Variants in HID1 observed in about 807,000 individuals in gnomAD.
The protein encoded by HID1 is HID1 domain containing.
A neutral mutation model predicts 89.7 loss-of-function variants in HID1; 42 were observed. That is an observed-to-expected ratio of 0.47 (90% CI 0.37 to 0.61). The LOEUF (loss-of-function observed/expected upper bound fraction) is 0.61, where lower values mean the gene tolerates loss of function less well. Ranked by LOEUF, HID1 falls within the 20% of genes least tolerant of loss-of-function variation. The pLI is 0.00. For synonymous variants in HID1, 442 were observed against 433.8 expected, an observed-to-expected ratio of 1.02 and a Z score of -0.24; for missense variants, 854 against 1,039.3, an observed-to-expected ratio of 0.82 and a Z score of 2.45.
intron 15 of HID1, 48 bp from the exon 16 acceptor site, chr17:74,953,134 G>C: frequency 7.1e-7 from 1 of 1,416,340 alleles, no homozygotes; most frequent in East Asian, 2.5e-5. Context: ...CGGTGGGTGA[G>C]GGGTGGAGTG....
Position 74,962,405 on chromosome 17 carries a change from A to T in HID1, c.505-65T>A. 9.3e-7 allele frequency: 1 copy of T among 1,070,726 alleles called. No individual in the cohort carries two copies. Among genetic ancestry groups the T allele is most frequent in the Non-Finnish European group, 1.4e-6 (1 of 719,282 alleles). The allele number at this position is 1,070,726 out of a possible 1,614,324, so 66.3% of individuals were successfully genotyped here. A position where few individuals can be genotyped will look rare whatever the true frequency, so the allele number is the denominator to read the frequency against. ...GAGGTGAACAGCAGCCTGGGTCAGA[A>T]CCTGGCCACCTCGAGCCTCACACAG... On this transcript the variant is annotated intron_variant, in intron 4 of 18. Transcript: ENST00000425042. This position sits in a 1 kb window ranked among gnomAD's most constrained non-coding sequence, Gnocchi z 4.3.
rs572104390 is a variant in HID1 at position 74,955,673 on chromosome 17, G to A, written c.1636+119C>T. The A allele has an allele frequency of 8.3e-5, 68 of 823,012 alleles. No homozygotes were observed. In the Middle Eastern group the frequency reaches 1.1e-3, roughly 13 times the overall value. 51.0% of individuals were successfully genotyped at this position (823,012 alleles called of 1,614,324 possible). ...AATGTACACTGAATGAATGAACTGG[G>A]GGCAGAAGGCAAGCAGGCCAGCACC... is the stretch of plus-strand genomic sequence containing the variant. On this transcript the variant is annotated intron_variant, in intron 13 of 18. Coordinates refer to ENST00000425042, the MANE Select transcript of HID1 (RefSeq NM_030630.3).
chr17:74,964,696 A>G, intron 1 of HID1, 64 bp from the exon 2 acceptor site: 1 of 1,528,646 alleles, frequency 6.5e-7, no homozygotes, highest in African/African-American at 1.4e-5. Context: ...ACTTTGCCCA[A>G]CTTGTGGCCA....
Position 74,958,841 on chromosome 17 carries a change from T to G in HID1, c.1149+70A>C. On this transcript the variant is annotated intron_variant, in intron 9 of 18. Coordinates refer to ENST00000425042, the MANE Select transcript of HID1 (RefSeq NM_030630.3). The surrounding 1 kb of genome is among the most constrained non-coding windows in gnomAD (Gnocchi z 5.2). ...TGCCCCACCCCCCTCAGTCTGACAC[T>G]GTCCCTGCCCCCGGGTTATTGGGGC... 1 of 1,588,260 alleles carries G rather than the reference T, an allele frequency of 6.3e-7. No individual in the cohort carries two copies. Among genetic ancestry groups the G allele is most frequent in the Non-Finnish European group, 8.6e-7 (1 of 1,166,064 alleles).
chr17:74,969,296 G>A (rs948501150), intron 1 of HID1, among the ~76,000 whole-genome samples: 4 of 152,040 alleles, frequency 2.6e-5, no homozygotes, highest in Admixed American at 1.3e-4. Context: ...CCGGGTTCAC[G>A]CCATTCTCCT....
chr17:74,951,331 C>T lies in HID1; in HGVS notation c.*239G>A, dbSNP rs1224621590. Reference sequence around the variant, plus strand: ...GTCCGAGTGTTGGGGGCAGTGGTCTCTGGTGGGGGCATAGCCCCAGAGATG... The same window carrying T: ...GTCCGAGTGTTGGGGGCAGTGGTCTTTGGTGGGGGCATAGCCCCAGAGATG... On this transcript the variant is annotated 3_prime_UTR_variant, in exon 19 of 19. Coordinates refer to ENST00000425042, the MANE Select transcript of HID1 (RefSeq NM_030630.3). The T allele has an allele frequency of 1.7e-6, 1 of 579,484 alleles. No individual in the cohort carries two copies. The highest frequency in any genetic ancestry group is 3.1e-6 in the Non-Finnish European group (1 of 326,100). The allele number at this position is 579,484 out of a possible 1,614,324, so 35.9% of individuals were successfully genotyped here. A position where few individuals can be genotyped will look rare whatever the true frequency, so the allele number is the denominator to read the frequency against.
intron 1 of HID1, among the ~76,000 whole-genome samples, chr17:74,965,703 G>A (rs1430387827): frequency 6.6e-6 from 1 of 152,134 alleles, no homozygotes; most frequent in Non-Finnish European, 1.5e-5. Context: ...TGGATCACCT[G>A]ATCAGGAGTT....
At chr17:74,969,916 TTTTTTC>T (rs1194608315) in intron 1 of HID1, among the ~76,000 whole-genome samples, 5 of 79,868 alleles carry the variant, frequency 6.3e-5, no homozygotes, top group Non-Finnish European at 1.4e-4. Context: ...CAGATTTTTC[TTTTTTC>T]TTTTTTTTTT....
rs751646377 is a variant in HID1 at position 74,953,532 on chromosome 17, C to T, written c.1971+13G>A. 5.6e-6 allele frequency: 9 copies of T among 1,610,158 alleles called. No homozygotes were observed. The East Asian group carries it at 2.0e-4, about 36-fold the overall frequency. On this transcript the variant is annotated intron_variant, in intron 15 of 18. Transcript: ENST00000425042. ...GCCAGCCACGCCCGGCTCCAGGAGT[C>T]CCCGTCACCCACCCCCTTAGCCGGG...
rs192751745 is a variant in HID1 at position 74,969,205 on chromosome 17, T to G, written c.66+3386A>C. 1.0e-3 allele frequency among the ~76,000 whole-genome samples: 154 copies of G among 152,232 alleles called. 1 individual carries two copies. Among genetic ancestry groups the G allele is most frequent in the African/African-American group, 3.4e-3 (140 of 41,540 alleles). ...GCTTCTAATATCTGATCTTTTTTTT[T>G]CTTTTTTGAGACCGAGTCTTGCTCT... On this transcript the variant is annotated intron_variant, in intron 1 of 18. Coordinates refer to ENST00000425042, the MANE Select transcript of HID1 (RefSeq NM_030630.3).
At position 74,955,833 on chromosome 17, in the gene HID1, A is replaced by G. The variant is rs1444053389; in HGVS notation, c.1595T>C (p.Leu532Pro). 2 of 1,614,052 alleles carry G rather than the reference A, an allele frequency of 1.2e-6. No homozygotes were observed. Among genetic ancestry groups the G allele is most frequent in the African/African-American group, 2.7e-5 (2 of 74,912 alleles). ...AAQNHHLVFF[L>P]LEVFNNIIQY... ...GATGATGTTGTTGAAGACCTCCAGG[A>G]GGAAGAAGACCAGGTGGTGGTTCTG... The change falls in exon 13 of 19, where the codon CTC (leucine) becomes CCC (proline). Residue 532 changes from leucine to proline, a missense_variant. Coordinates refer to ENST00000425042, the MANE Select transcript of HID1 (RefSeq NM_030630.3).
Position 74,954,248 on chromosome 17 carries a change from G to C in HID1, c.1754C>G (p.Pro585Arg), listed in dbSNP as rs1055455758. The change falls in exon 14 of 19, where the codon CCT becomes CGT. Residue 585 changes from proline to arginine, a missense_variant. Pro to Arg is a moderately radical substitution (Grantham distance 103). Coordinates refer to ENST00000425042, the MANE Select transcript of HID1 (RefSeq NM_030630.3). ...HKALQRRRRT[P>R]EPLSRTGSQE... ...GGAGCCGGTGCGAGACAAGGGCTCA[G>C]GTGTCCGCCGGCGCCGCTGCAGGGC... is the stretch of plus-strand genomic sequence containing the variant. 1 of 1,590,736 alleles carries C rather than the reference G, an allele frequency of 6.3e-7. No homozygotes were observed. The highest frequency in any genetic ancestry group is 1.3e-5 in the African/African-American group (1 of 74,850).
chr17:74,972,698 A>C lies in HID1; in HGVS notation c.-42T>G. 1 of 1,497,176 alleles carries C rather than the reference A, an allele frequency of 6.7e-7. No homozygotes were observed. The highest frequency in any genetic ancestry group is 1.3e-5 in the South Asian group (1 of 79,352). The allele number at this position is 1,497,176 out of a possible 1,614,324, so 92.7% of individuals were successfully genotyped here. A position where few individuals can be genotyped will look rare whatever the true frequency, so the allele number is the denominator to read the frequency against. On this transcript the variant is annotated 5_prime_UTR_variant, in exon 1 of 19. Transcript: ENST00000425042. This position sits in a 1 kb window ranked among gnomAD's most constrained non-coding sequence, Gnocchi z 6.4. ...CCGGCCCGGCCCCCGCCCAGACTCCAACCCGGCTCCGGCTTCAGCTCCGGC... is the reference window on the plus strand; with the variant it reads ...CCGGCCCGGCCCCCGCCCAGACTCCCACCCGGCTCCGGCTTCAGCTCCGGC...
At chr17:74,964,338 A>C in intron 2 of HID1, 145 bp downstream of exon 2, 3 of 943,032 alleles carry the variant, frequency 3.2e-6, no homozygotes, top group Non-Finnish European at 4.7e-6. Flanking sequence ...ACGCCCAGCA[A>C]AGAGAACCAC....
Position 74,964,642 on chromosome 17 carries a change from G to A in HID1, c.67-10C>T, listed in dbSNP as rs772749588. On this transcript the variant is annotated splice_polypyrimidine_tract_variant and intron_variant, in intron 1 of 18. Coordinates refer to ENST00000425042, the MANE Select transcript of HID1 (RefSeq NM_030630.3). ...CGGTGGCTTCCACGGGCTGTGGGGGGACCAAGGGTCCAGAGTTACACAACT... is the reference window on the plus strand; with the variant it reads ...CGGTGGCTTCCACGGGCTGTGGGGGAACCAAGGGTCCAGAGTTACACAACT... 5.0e-6 allele frequency: 8 copies of A among 1,609,206 alleles called. No individual in the cohort carries two copies. In the Admixed American group the frequency reaches 5.1e-5, roughly 10 times the overall value.
chr17:74,963,000 C>A lies in HID1; in HGVS notation c.469G>T (p.Asp157Tyr). ...CTCCGGTGGCTCTGAACCGTGAAGT[C>A]CGGGCAGAAGAGCAGGTCAGCAATG... Reference protein sequence around the residue: ...LAIADLLFCPDFTVQSHRRST... With the variant: ...LAIADLLFCPYFTVQSHRRST... The change falls in exon 4 of 19, where the codon GAC (aspartate) becomes TAC (tyrosine). Residue 157 changes from aspartate to tyrosine, a missense_variant. Coordinates refer to ENST00000425042, the MANE Select transcript of HID1 (RefSeq NM_030630.3). The surrounding 1 kb of genome is among the most constrained non-coding windows in gnomAD (Gnocchi z 4.3). 1 of 1,613,614 alleles carries A rather than the reference C, an allele frequency of 6.2e-7. No homozygotes were observed. Among genetic ancestry groups the A allele is most frequent in the East Asian group, 2.2e-5 (1 of 44,856 alleles).
At chr17:74,970,570 C>G (rs1391607751) in intron 1 of HID1, 1 of 152,344 alleles carries the variant, frequency 6.6e-6, no homozygotes, top group Non-Finnish European at 1.5e-5. Context: ...CTCTTAGGAC[C>G]AGGGTCAGGC....
intron 12 of HID1, among the ~76,000 whole-genome samples, chr17:74,957,032 A>C (rs566149588): frequency 1.3e-5 from 2 of 152,354 alleles, no homozygotes; most frequent in East Asian, 3.9e-4. Context: ...TGTGCTGCAC[A>C]TATGAAACAC....
intron 1 of HID1, 33 bp from the exon 2 acceptor site, chr17:74,964,665 ACTC>A (rs2039536105): frequency 1.3e-6 from 2 of 1,596,088 alleles, no homozygotes; most frequent in Non-Finnish European, 8.5e-7. Context: ...GAGTTACACA[ACTC>A]CTGGCCAGAG....
Sources: allele counts gnomAD v4.1 joint callset (sites outside exome capture counted in the v4.1 genomes callset), GRCh38; gene constraint gnomAD v4.1.1; non-coding constraint Gnocchi (gnomAD v3.1); transcripts MANE v1.5; gene names NCBI Gene and HGNC (gene_info 2026-07-23, HGNC 2026-07-21).